Variants in EEF2 observed in about 807,000 individuals in gnomAD.
EEF2 encodes the protein eukaryotic translation elongation factor 2, also known as elongation factor 2.
EEF2 carries 21 observed loss-of-function variants against 85.3 expected under a neutral mutation model. The observed-to-expected ratio is 0.25, with a 90% CI of 0.17 to 0.35. The LOEUF is 0.35. EEF2 is among the 10% of genes least tolerant of loss of function. The pLI, the probability that EEF2 is intolerant of heterozygous loss-of-function variation, is 1.00. For missense variants in EEF2, 825 were observed against 1,225.3 expected, an observed-to-expected ratio of 0.67 and a Z score of 4.88; for synonymous variants, 723 against 508.8, an observed-to-expected ratio of 1.42 and a Z score of -5.67.
Position 3,977,369 on chromosome 19 carries a change from C to G in EEF2, c.2251-22G>C. On this transcript the variant is annotated intron_variant, in intron 13 of 14. Coordinates refer to ENST00000309311, the MANE Select transcript of EEF2 (RefSeq NM_001961.4). The surrounding 1 kb of genome is among the most constrained non-coding windows in gnomAD (Gnocchi z 5.4). The stretch of plus-strand genomic sequence containing the variant: ...GACACTGCCAGAAGGGAAAGAAAAC[C>G]TGTCAGTGGCCGCTGGGCAGGACGG... The G allele has an allele frequency of 6.3e-7, 1 of 1,590,682 alleles. No individual in the cohort carries two copies. Among genetic ancestry groups the G allele is most frequent in the Non-Finnish European group, 8.6e-7 (1 of 1,169,136 alleles).
chr19:3,983,313 CA>C (rs749138748), intron 2 of EEF2, 22 bp from the exon 3 acceptor site: 35 of 1,607,146 alleles, frequency 2.2e-5, no homozygotes, highest in Non-Finnish European at 3.0e-5. Context: ...AGGGACTCGT[CA>C]GGGGGACAGG....
At chr19:3,978,905 A>AG (rs1042051821) in intron 11 of EEF2, among the ~76,000 whole-genome samples, 13 of 148,920 alleles carry the variant, frequency 8.7e-5, no homozygotes, top group African/African-American at 1.5e-4. Flanking sequence ...GGGGATCACG[A>AG]GGTCAGGAGA....
chr19:3,985,345 G>C, intron 1 of EEF2, 33 bp downstream of exon 1: 2 of 1,461,314 alleles, frequency 1.4e-6, no homozygotes, highest in South Asian at 1.4e-5. Context: ...CCCCGCCGCC[G>C]CTCCGGGGCA....
intron 6 of EEF2, 46 bp from the exon 7 acceptor site, chr19:3,981,498 G>A (rs752732589): frequency 1.9e-5 from 29 of 1,565,284 alleles, no homozygotes; most frequent in Admixed American, 1.8e-4. Flanking sequence ...GGGAACAGCA[G>A]GAGGAAGCCT....
intron 2 of EEF2, 111 bp from the exon 3 acceptor site, chr19:3,983,402 G>A (rs966334334): frequency 6.5e-6 from 8 of 1,236,572 alleles, no homozygotes; most frequent in East Asian, 2.5e-5. Context: ...CATCCCTGGA[G>A]AGGCTCCCAC....
At chr19:3,976,796 G>A (rs1229785610) in intron 14 of EEF2, 49 bp from the exon 15 acceptor site, 14 of 1,471,978 alleles carry the variant, frequency 9.5e-6, no homozygotes, top group Admixed American at 5.0e-5. Flanking sequence ...AGGTGGCAGG[G>A]CAGAAGGAAA....
In EEF2 at chr19:3,982,855, G is replaced by A. The variant is rs1184464917; in HGVS notation, c.564C>T (p.Ile188=). The part of the protein sequence containing the change: ...FQRIVENVNV[I]ISTYGEGESG... ...TCTCGCCCTCGCCGTAGGTGGAGAT[G>A]ATGACGTTCACGTTCTCCACGATGC... is the stretch of plus-strand genomic sequence containing the variant. Residue 188 remains isoleucine (I), a synonymous_variant, in exon 4 of 15, where the codon ATC becomes ATT. Transcript: ENST00000309311. The A allele has an allele frequency of 1.2e-6, 2 of 1,613,568 alleles. No homozygotes were observed. The highest frequency in any genetic ancestry group is 2.2e-5 in the East Asian group (1 of 44,882).
Position 3,981,438 on chromosome 19 carries a change from G to T in EEF2, c.912C>A (p.Ile304=). The T allele has an allele frequency of 6.2e-7, 1 of 1,614,046 alleles. No individual in the cohort carries two copies. ...LDPIFKVFDA[I]MNFKKEETAK... is the part of the protein sequence containing the mutation. ...CTGTCTCCTCTTTCTTGAAATTCAT[G>T]ATCGCATCAAACACCTACATTCCCC... The change falls in exon 7 of 15, where the codon ATC becomes ATA. Residue 304 remains isoleucine (I), a synonymous_variant. Coordinates refer to ENST00000309311, the MANE Select transcript of EEF2 (RefSeq NM_001961.4).
intron 9 of EEF2, 145 bp downstream of exon 9, chr19:3,980,369 G>A (rs17606942): frequency 4.2e-5 from 47 of 1,112,446 alleles, no homozygotes; most frequent in Admixed American, 8.6e-5. Context: ...ACTGGGCTAA[G>A]AACAAAAGTT....
Position 3,977,914 on chromosome 19 carries a change from C to G in EEF2, c.1972G>C (p.Gly658Arg). The change falls in exon 12 of 15, where the codon GGC (glycine) becomes CGC (arginine). Residue 658 changes from glycine (G) to arginine (R), a missense_variant. By Grantham distance (125) the Gly-to-Arg change is moderately radical. Transcript: ENST00000309311. The surrounding 1 kb of genome is among the most constrained non-coding windows in gnomAD (Gnocchi z 5.4). Reference protein sequence around the residue: ...KIWCFGPDGTGPNILTDITKG... With the variant: ...KIWCFGPDGTRPNILTDITKG... The stretch of plus-strand genomic sequence containing the variant: ...GTGATGTCGGTGAGGATGTTGGGGC[C>G]GGTGCCGTCGGGCCCAAAGCACCAG... The G allele has an allele frequency of 6.2e-7, 1 of 1,613,584 alleles. No individual in the cohort carries two copies.
chr19:3,978,953 G>A (rs1437883842), intron 11 of EEF2, among the ~76,000 whole-genome samples: 2 of 151,270 alleles, frequency 1.3e-5, no homozygotes, highest in African/African-American at 2.4e-5. Flanking sequence ...GTGAAACCCC[G>A]CCTCTACTAA....
chr19:3,983,192 G>C lies in EEF2; in HGVS notation c.318C>G (p.Pro106=), dbSNP rs548237711. ...AGFLINLIDS[P]GHVDFSSEVT... Reference sequence around the variant, plus strand: ...CCTCCGAGGAGAAGTCGACATGCCCGGGGGAGTCAATGAGGTTGATGAGGA... The same window carrying C: ...CCTCCGAGGAGAAGTCGACATGCCCCGGGGAGTCAATGAGGTTGATGAGGA... The change falls in exon 3 of 15, where the codon CCC becomes CCG. Residue 106 remains proline (P), a synonymous_variant. Transcript: ENST00000309311. 3.7e-6 allele frequency: 6 copies of C among 1,613,884 alleles called. No individual in the cohort carries two copies. Among genetic ancestry groups the C allele is most frequent in the Admixed American group, 1.7e-5 (1 of 59,988 alleles).
chr19:3,978,803 C>CCAAAAA (rs1340787575), intron 11 of EEF2, among the ~76,000 whole-genome samples: 1 of 36,830 alleles, frequency 2.7e-5, no homozygotes, highest in Non-Finnish European at 5.6e-5. Context: ...ACTCTTGTCT[C>CCAAAAA]AAAAAAAAAA....
chr19:3,979,419 C>T lies in EEF2; in HGVS notation c.1623G>A (p.Ser541=), dbSNP rs778330979. 16 of 1,613,576 alleles carry T rather than the reference C, an allele frequency of 9.9e-6. No homozygotes were observed. Among genetic ancestry groups the T allele is most frequent in the Non-Finnish European group, 8.5e-6 (10 of 1,179,986 alleles). Residue 541 remains serine, a synonymous_variant, in exon 11 of 15, where the codon TCG becomes TCA. Coordinates refer to ENST00000309311, the MANE Select transcript of EEF2 (RefSeq NM_001961.4). ...CGGCGCCCGCGATGATATGCTCTCC[C>T]GACTCCTCGATGATGCACTGAAAGG... ...DPMVQCIIEE[S]GEHIIAGAGE...
At chr19:3,981,063 A>T in intron 7 of EEF2, 84 bp from the exon 8 acceptor site, 1 of 1,495,412 alleles carries the variant, frequency 6.7e-7, no homozygotes, top group Non-Finnish European at 8.9e-7. Context: ...CTTGAAGCCA[A>T]GGAAGCCAAA....
rs551021553 is a variant in EEF2 at position 3,984,623 on chromosome 19, C to T, written c.4-273G>A. 3.3e-5 allele frequency among the ~76,000 whole-genome samples: 5 copies of T among 152,308 alleles called. No individual in the cohort carries two copies. The East Asian group carries it at 9.6e-4, about 29-fold the overall frequency. On this transcript the variant is annotated intron_variant, in intron 1 of 14. Coordinates refer to ENST00000309311, the MANE Select transcript of EEF2 (RefSeq NM_001961.4). ...TGAGTGTCAACAGATTTCCTTGATACCAGGTACAAATACTAAAGTCTCATT... is the reference window on the plus strand; with the variant it reads ...TGAGTGTCAACAGATTTCCTTGATATCAGGTACAAATACTAAAGTCTCATT...
intron 6 of EEF2, among the ~76,000 whole-genome samples, 197 bp from the exon 7 acceptor site, chr19:3,981,649 A>G (rs112021009): frequency 1.5e-4 from 23 of 152,330 alleles, no homozygotes; most frequent in African/African-American, 5.5e-4. Flanking sequence ...GGAGCAGAGG[A>G]AAAAGCCCAC....
chr19:3,984,278 C>T lies in EEF2; in HGVS notation c.76G>A (p.Ala26Thr). Residue 26 changes from alanine to threonine, a missense_variant, in exon 2 of 15, where the codon GCC becomes ACC. By Grantham distance (58) the Ala-to-Thr change is moderately conservative (BLOSUM62 0). Coordinates refer to ENST00000309311, the MANE Select transcript of EEF2 (RefSeq NM_001961.4). ...KANIRNMSVI[A>T]HVDHGKSTLT... ...GTGGACTTGCCATGGTCCACGTGGG[C>T]GATGACAGACATGTTGCGGATGTTG... is the stretch of plus-strand genomic sequence containing the variant. 6.2e-7 allele frequency: 1 copy of T among 1,614,180 alleles called. No homozygotes were observed. The highest frequency in any genetic ancestry group is 8.5e-7 in the Non-Finnish European group (1 of 1,180,028).
chr19:3,981,318 A>G (rs76853513), intron 7 of EEF2, 21 bp downstream of exon 7: 1 of 1,609,402 alleles, frequency 6.2e-7, no homozygotes, highest in Non-Finnish European at 8.5e-7. Context: ...CTCCACCCCG[A>G]GGGCTGGGCC....
Sources: allele counts gnomAD v4.1 joint callset (sites outside exome capture counted in the v4.1 genomes callset), GRCh38; gene constraint gnomAD v4.1.1; non-coding constraint Gnocchi (gnomAD v3.1); transcripts MANE v1.5; gene names NCBI Gene and HGNC (gene_info 2026-07-23, HGNC 2026-07-21).